The following NEGR1 variants were observed in gnomAD, a reference collection of about 807,000 sequenced individuals.
NEGR1 encodes IgLON family member 4.
In NEGR1, 10 loss-of-function variants were observed where a neutral mutation model predicts 40.9. That is an observed-to-expected ratio of 0.24 (90% CI 0.15 to 0.42). NEGR1 has a LOEUF of 0.42. NEGR1 is among the 10% of genes least tolerant of loss of function. NEGR1 has a pLI of 1.00. For missense variants in NEGR1, 352 were observed against 438.9 expected (o/e 0.80, Z 1.77); for synonymous variants, 185 against 166.8 (o/e 1.11, Z -0.84).
chr1:71,409,532 T>C (rs1646302152), intron 6 of NEGR1, among the ~76,000 whole-genome samples: 1 of 152,070 alleles, frequency 6.6e-6, no homozygotes, highest in South Asian at 2.1e-4. Context: ...TGGGCAATCT[T>C]TCCTGGACCT....
At chr1:71,821,995 T>A (rs1157428193) in intron 2 of NEGR1, among the ~76,000 whole-genome samples, 3 of 151,860 alleles carry the variant, frequency 2.0e-5, no homozygotes, top group African/African-American at 7.3e-5. Context: ...AAGGGGGAAG[T>A]GATTTTAATT....
intron 2 of NEGR1, among the ~76,000 whole-genome samples, chr1:71,856,040 A>G (rs971164564): frequency 1.3e-5 from 2 of 152,054 alleles, no homozygotes; most frequent in Admixed American, 1.3e-4. Flanking sequence ...ACACTTCTTA[A>G]TCCCATTCCC....
chr1:71,745,999 G>C (rs1049063728), intron 3 of NEGR1, among the ~76,000 whole-genome samples: 2 of 152,136 alleles, frequency 1.3e-5, no homozygotes, highest in African/African-American at 4.8e-5. Context: ...ACCTTGCTGA[G>C]TTTCCCCCCT....
chr1:71,663,737 A>G (rs1312963487), intron 4 of NEGR1, among the ~76,000 whole-genome samples: 2 of 152,300 alleles, frequency 1.3e-5, no homozygotes, highest in Admixed American at 6.5e-5. Flanking sequence ...GTGCCTTCAT[A>G]CATGATTGAT....
At chr1:72,205,329 G>A (rs1216617663) in intron 1 of NEGR1, among the ~76,000 whole-genome samples, 1 of 151,608 alleles carries the variant, frequency 6.6e-6, no homozygotes, top group African/African-American at 2.4e-5. Flanking sequence ...AAACCAAATT[G>A]GGTTGACACA....
chr1:71,689,554 A>C (rs1653180473), intron 4 of NEGR1, among the ~76,000 whole-genome samples: 1 of 152,144 alleles, frequency 6.6e-6, no homozygotes, highest in Non-Finnish European at 1.5e-5. Flanking sequence ...ATTTTGAAAA[A>C]GCAGTTATGC....
chr1:72,249,656 G>A (rs534245507), intron 1 of NEGR1, among the ~76,000 whole-genome samples: 4 of 152,270 alleles, frequency 2.6e-5, no homozygotes, highest in Admixed American at 2.6e-4. Flanking sequence ...CACAAAAAGG[G>A]AGATGAATGT....
intron 1 of NEGR1, among the ~76,000 whole-genome samples, chr1:72,028,169 G>A (rs1308925842): frequency 1.3e-5 from 2 of 152,108 alleles, no homozygotes. Flanking sequence ...TTGAATCAAT[G>A]GCTTAAATAG....
intron 4 of NEGR1, among the ~76,000 whole-genome samples, chr1:71,696,115 G>A (rs544761894): frequency 3.3e-5 from 5 of 151,686 alleles, no homozygotes; most frequent in East Asian, 1.9e-4. Flanking sequence ...ACTCTTCAGC[G>A]TTCCTGGTAT....
At chr1:71,945,961 T>C (rs1646014685) in intron 1 of NEGR1, among the ~76,000 whole-genome samples, 1 of 152,168 alleles carries the variant, frequency 6.6e-6, no homozygotes, top group South Asian at 2.1e-4. Flanking sequence ...TAGGTTATGA[T>C]TGTGAATTTC....
chr1:72,010,770 G>A (rs546506483), intron 1 of NEGR1, among the ~76,000 whole-genome samples: 2 of 152,256 alleles, frequency 1.3e-5, no homozygotes, highest in African/African-American at 4.8e-5. Flanking sequence ...GCATTTGTTT[G>A]CTGGTAGAAG....
At chr1:72,266,014 T>G (rs2100551560) in intron 1 of NEGR1, among the ~76,000 whole-genome samples, 1 of 151,054 alleles carries the variant, frequency 6.6e-6, no homozygotes, top group South Asian at 2.1e-4. Flanking sequence ...ATTTTTAAAA[T>G]ATAGCACCTT....
At chr1:71,895,456 C>T (rs937495818) in intron 2 of NEGR1, among the ~76,000 whole-genome samples, 2 of 152,196 alleles carry the variant, frequency 1.3e-5, no homozygotes, top group African/African-American at 4.8e-5. Context: ...ACTCCTCATT[C>T]ATCCCTTCCT....
chr1:71,814,862 C>T (rs1273994289), intron 2 of NEGR1, among the ~76,000 whole-genome samples: 1 of 151,966 alleles, frequency 6.6e-6, no homozygotes, highest in African/African-American at 2.4e-5. Flanking sequence ...AAACTAGCTC[C>T]TGGCTTCATT....
intron 1 of NEGR1, among the ~76,000 whole-genome samples, chr1:72,065,761 C>T (rs1647257373): frequency 6.6e-6 from 1 of 152,068 alleles, no homozygotes; most frequent in East Asian, 1.9e-4. Context: ...TCTTATTTTG[C>T]ATTAATCAAT....
intron 2 of NEGR1, among the ~76,000 whole-genome samples, chr1:71,880,071 T>C (rs1660539619): frequency 6.6e-6 from 1 of 152,118 alleles, no homozygotes; most frequent in Admixed American, 6.6e-5. Context: ...AAAATCGATT[T>C]CCTTTCCAGT....
intron 3 of NEGR1, among the ~76,000 whole-genome samples, chr1:71,761,820 T>C (rs1283668008): frequency 1.3e-5 from 2 of 152,012 alleles, no homozygotes; most frequent in Non-Finnish European, 2.9e-5. Flanking sequence ...AAAAATTTTC[T>C]AAATAGAAAT....
chr1:72,120,392 T>TG (rs1372920011), intron 1 of NEGR1, among the ~76,000 whole-genome samples: 1 of 152,006 alleles, frequency 6.6e-6, no homozygotes, highest in Non-Finnish European at 1.5e-5. Flanking sequence ...AAAACTGCAA[T>TG]GGTACCATGT....
chr1:71,653,956 C>G (rs1248809882), intron 4 of NEGR1, among the ~76,000 whole-genome samples: 1 of 152,122 alleles, frequency 6.6e-6, no homozygotes. Flanking sequence ...TCAGATAACT[C>G]TCTTTGTTAT....
Sources: gnomAD v4.1 joint callset for allele counts (sites outside exome capture counted in the v4.1 genomes callset) on GRCh38, gnomAD v4.1.1 for gene constraint, MANE v1.5 for transcripts, NCBI Gene and HGNC (gene_info 2026-07-23, HGNC 2026-07-21) for gene names.